Variants in COL21A1 observed in about 807,000 individuals in gnomAD.
The protein encoded by COL21A1 is collagen type XXI alpha 1 chain.
Under a neutral mutation model 137.9 loss-of-function variants are expected in COL21A1, and 149 were observed. The ratio of observed to expected loss-of-function variants is 1.08; its 90% CI spans 0.95 to 1.24. The LOEUF is 1.24. Ranked by LOEUF, COL21A1 falls within the 50% of genes most tolerant of loss-of-function variation. COL21A1 has a pLI of 0.00. For missense variants in COL21A1, 1,167 were observed against 1,158.4 expected, an observed-to-expected ratio of 1.01 and a Z score of -0.11; for synonymous variants, 456 against 391.5, an observed-to-expected ratio of 1.16 and a Z score of -1.95.
chr6:56,109,852 T>C (rs991703886), intron 16 of COL21A1, among the ~76,000 whole-genome samples: 1 of 151,962 alleles, frequency 6.6e-6, no homozygotes, highest in Admixed American at 6.6e-5. Context: ...AATAGGTGTA[T>C]TATTAATTAA....
intron 1 of COL21A1, among the ~76,000 whole-genome samples, chr6:56,320,061 A>G (rs62411945): frequency 0.044 from 6,630 of 152,172 alleles, 184 homozygotes; most frequent in East Asian, 0.094. Flanking sequence ...TTGGATACTT[A>G]ATAAGTCTCT....
chr6:56,382,833 TTTG>T (rs1353196414), intron 1 of COL21A1, among the ~76,000 whole-genome samples: 1 of 152,118 alleles, frequency 6.6e-6, no homozygotes, highest in Non-Finnish European at 1.5e-5. Flanking sequence ...CCTATGGTAT[TTTG>T]TTATGGCAGC....
chr6:56,185,225 T>C (rs1001686947), intron 1 of COL21A1, among the ~76,000 whole-genome samples: 2 of 151,782 alleles, frequency 1.3e-5, no homozygotes, highest in Non-Finnish European at 2.9e-5. Flanking sequence ...CTATGAAATA[T>C]AAATTTGAAA....
intron 1 of COL21A1, among the ~76,000 whole-genome samples, chr6:56,303,894 G>T (rs1764366609): frequency 6.6e-6 from 1 of 152,158 alleles, no homozygotes; most frequent in South Asian, 2.1e-4. Flanking sequence ...TTATGATTTT[G>T]AGATATGTCC....
At chr6:56,325,940 T>TTA (rs1247324495) in intron 1 of COL21A1, among the ~76,000 whole-genome samples, 1 of 12,618 alleles carries the variant, frequency 7.9e-5, no homozygotes, top group East Asian at 9.3e-4. Context: ...ATAATATATA[T>TTA]TATATATTAT....
chr6:56,143,359 C>T (rs1208515929), intron 10 of COL21A1, among the ~76,000 whole-genome samples: 1 of 151,828 alleles, frequency 6.6e-6, no homozygotes, highest in Non-Finnish European at 1.5e-5. Context: ...CACCACCACA[C>T]CCAGCTAATT....
chr6:56,270,404 C>G (rs551390900), intron 1 of COL21A1, among the ~76,000 whole-genome samples: 2 of 152,150 alleles, frequency 1.3e-5, no homozygotes, highest in Non-Finnish European at 2.9e-5. Context: ...ATCGGAGCAC[C>G]CAGATTCACA....
Position 56,077,689 on chromosome 6 carries a change from CATATT to C in COL21A1, c.1813-121_1813-117del, listed in dbSNP as rs1767369081. On this transcript the variant is annotated intron_variant, in intron 17 of 29. Coordinates refer to ENST00000244728, the MANE Select transcript of COL21A1 (RefSeq NM_030820.4). The stretch of plus-strand genomic sequence containing the variant: ...TAAATAACATATTTTCAAATGTATA[CATATT>C]ATAATATTGCTATTTGTAATAATCC... The C allele has an allele frequency of 9.8e-6, 6 of 609,748 alleles. No individual in the cohort carries two copies. In the East Asian group the frequency reaches 1.5e-4, roughly 15 times the overall value. The allele number at this position is 609,748 out of a possible 1,614,324, so 37.8% of individuals were successfully genotyped here.
chr6:56,346,615 G>A (rs573523345), intron 1 of COL21A1, among the ~76,000 whole-genome samples: 9 of 152,124 alleles, frequency 5.9e-5, no homozygotes, highest in East Asian at 1.9e-4. Context: ...AAGCCCTCTC[G>A]TTCCTACTTT....
intron 13 of COL21A1, 150 bp from the exon 14 acceptor site, chr6:56,125,770 C>T (rs1773006572): frequency 7.0e-6 from 4 of 569,902 alleles, no homozygotes; most frequent in Non-Finnish European, 1.2e-5. Context: ...TTAAAAGGCC[C>T]TCATTTCCAG....
intron 9 of COL21A1, among the ~76,000 whole-genome samples, chr6:56,160,460 C>A (rs1156975017): frequency 6.6e-6 from 1 of 151,972 alleles, no homozygotes; most frequent in Non-Finnish European, 1.5e-5. Flanking sequence ...CATTCCTGTC[C>A]ACAATAATAC....
At chr6:56,234,557 A>G (rs551718876) in intron 1 of COL21A1, among the ~76,000 whole-genome samples, 4 of 151,932 alleles carry the variant, frequency 2.6e-5, no homozygotes, top group African/African-American at 9.6e-5. Flanking sequence ...CTGCTTCATA[A>G]TCAATACAAA....
intron 23 of COL21A1, among the ~76,000 whole-genome samples, chr6:56,066,388 C>T (rs564676467): frequency 7.9e-5 from 12 of 151,928 alleles, no homozygotes; most frequent in South Asian, 2.1e-4. Flanking sequence ...TTTTCTGTTA[C>T]GATTCCAGAA....
intron 10 of COL21A1, among the ~76,000 whole-genome samples, chr6:56,153,215 G>A (rs1281489167): frequency 1.3e-5 from 2 of 152,114 alleles, no homozygotes; most frequent in African/African-American, 4.8e-5. Flanking sequence ...AATAGAAGCT[G>A]TCTTATGATA....
chr6:56,326,011 GTATATGTATATACATAATATA>G (rs1765080892), intron 1 of COL21A1, among the ~76,000 whole-genome samples: 2 of 2,910 alleles, frequency 6.9e-4, no homozygotes, highest in African/African-American at 2.0e-3. Context: ...CATATATTAT[GTATATGTATATACATAATATA>G]TTATGTATAT....
rs569044217 is a variant in COL21A1 at position 56,297,504 on chromosome 6, T to C, written c.-39+96467A>G. On this transcript the variant is annotated intron_variant, in intron 1 of 28. Coordinates refer to the COL21A1 transcript ENST00000370819. ...TTTTACTTTGCTTAATGTTCTGGCA[T>C]ATTGTGAAACAATTCCAAGTGTGTA... is the stretch of plus-strand genomic sequence containing the variant. Among the ~76,000 whole-genome samples the C allele has an allele frequency of 2.2e-3, 340 of 152,250 alleles. 2 individuals carry two copies. The highest frequency in any genetic ancestry group is 7.8e-3 in the African/African-American group (323 of 41,560).
At chr6:56,150,271 C>G (rs755948538) in intron 10 of COL21A1, among the ~76,000 whole-genome samples, 1 of 151,982 alleles carries the variant, frequency 6.6e-6, no homozygotes, top group African/African-American at 2.4e-5. Flanking sequence ...TGTAATCCCA[C>G]TCTTTGGGAG....
At chr6:56,136,363 C>T (rs1272929940) in intron 12 of COL21A1, among the ~76,000 whole-genome samples, 2 of 152,146 alleles carry the variant, frequency 1.3e-5, no homozygotes, top group Non-Finnish European at 2.9e-5. Context: ...GCTGAATATA[C>T]AGAATGTTTT....
intron 16 of COL21A1, among the ~76,000 whole-genome samples, chr6:56,108,019 T>C (rs931128906): frequency 6.6e-6 from 1 of 150,544 alleles, no homozygotes; most frequent in African/African-American, 2.4e-5. Flanking sequence ...CAACAAAGAG[T>C]TGATGCTCAA....
Sources: allele counts gnomAD v4.1 joint callset (sites outside exome capture counted in the v4.1 genomes callset), GRCh38; gene constraint gnomAD v4.1.1; transcripts MANE v1.5; gene names NCBI Gene and HGNC (gene_info 2026-07-23, HGNC 2026-07-21).